RILPL1: variants seen among roughly 807,000 people sequenced by gnomAD.
The protein encoded by RILPL1 is RILP-like protein 1.
RILPL1 carries 33 observed loss-of-function variants against 50.3 expected under a neutral mutation model. The ratio of observed to expected loss-of-function variants is 0.66; its 90% CI spans 0.50 to 0.88. RILPL1 has a LOEUF of 0.88. Ranked by LOEUF, RILPL1 falls within the 40% of genes least tolerant of loss-of-function variation. The probability of loss-of-function intolerance (pLI) is 0.00; values close to 1 mark genes in which losing one functional copy is unlikely to be tolerated. For missense variants in RILPL1, 418 were observed against 542.5 expected (o/e 0.77, Z 2.28); for synonymous variants, 205 against 228.6 (o/e 0.90, Z 0.93).
intron 6 of RILPL1, chr12:123,475,372 T>TA: frequency 2.3e-6 from 1 of 432,324 alleles, no homozygotes; most frequent in South Asian, 2.6e-5. Context: ...ACCCGTCACT[T>TA]AAAGGACCTT....
chr12:123,510,314 G>A (rs1054026373), intron 2 of RILPL1, among the ~76,000 whole-genome samples: 3 of 152,190 alleles, frequency 2.0e-5, no homozygotes, highest in Non-Finnish European at 2.9e-5. Flanking sequence ...GGGACCCGGG[G>A]ACACGGCTAA....
At chr12:123,475,893 TA>T (rs1161486338) in intron 6 of RILPL1, 23 of 530,768 alleles carry the variant, frequency 4.3e-5, no homozygotes, top group South Asian at 6.8e-5. Context: ...TAAATTCACT[TA>T]AAATTTTTTT....
chr12:123,497,414 T>G (rs1010200205), intron 4 of RILPL1, among the ~76,000 whole-genome samples: 4 of 151,898 alleles, frequency 2.6e-5, no homozygotes, highest in African/African-American at 9.7e-5. Context: ...AGATGGGGTC[T>G]GACTCACTCT....
In RILPL1 at chr12:123,498,822, A is replaced by G. The variant is rs2139338736; in HGVS notation, c.580-57T>C. On this transcript the variant is annotated intron_variant, in intron 3 of 6. Transcript: ENST00000376874. This position sits in a 1 kb window ranked among gnomAD's most constrained non-coding sequence, Gnocchi z 4.3. ...TGCCACCTGCGGTAGCTCAGGTTGT[A>G]CACTGCACAACGGCAAACCATCCAT... 2 of 1,505,514 alleles carry G rather than the reference A, an allele frequency of 1.3e-6. No individual in the cohort carries two copies. The highest frequency in any genetic ancestry group is 1.8e-6 in the Non-Finnish European group (2 of 1,090,890). 93.3% of individuals were successfully genotyped at this position (1,505,514 alleles called of 1,614,324 possible). A position where few individuals can be genotyped will look rare whatever the true frequency, so the allele number is the denominator to read the frequency against.
At chr12:123,530,895 G>A (rs1885419888) in intron 1 of RILPL1, among the ~76,000 whole-genome samples, 1 of 152,170 alleles carries the variant, frequency 6.6e-6, no homozygotes, top group Non-Finnish European at 1.5e-5. Flanking sequence ...TGAGTGATGA[G>A]TGGAAGTGAG....
chr12:123,483,695 C>A (rs973904101), intron 6 of RILPL1, among the ~76,000 whole-genome samples: 1 of 152,170 alleles, frequency 6.6e-6, no homozygotes, highest in Non-Finnish European at 1.5e-5. Context: ...CAACCAAGGC[C>A]TGACTCTGCA....
chr12:123,533,047 C>T lies in RILPL1; in HGVS notation c.309+127G>A, dbSNP rs1885496488. On this transcript the variant is annotated intron_variant, in intron 1 of 6. Transcript: ENST00000376874. This position sits in a 1 kb window ranked among gnomAD's most constrained non-coding sequence, Gnocchi z 6.2. Reference sequence around the variant, plus strand: ...AGGCCAGGGCCTCCCTCCCTCCCCACGTCGGGTCTCCTCTGGTCCGGTCCC... The same window carrying T: ...AGGCCAGGGCCTCCCTCCCTCCCCATGTCGGGTCTCCTCTGGTCCGGTCCC... The T allele has an allele frequency of 1.9e-6, 2 of 1,025,772 alleles. No individual in the cohort carries two copies. The highest frequency in any genetic ancestry group is 3.4e-5 in the South Asian group (2 of 58,140). The allele number at this position is 1,025,772 out of a possible 1,614,324, so 63.5% of individuals were successfully genotyped here.
chr12:123,521,628 TACACACA>T (rs1885038720), intron 2 of RILPL1, among the ~76,000 whole-genome samples: 2 of 7,166 alleles, frequency 2.8e-4, no homozygotes, highest in South Asian at 0.034. Context: ...TGTATATATA[TACACACA>T]TATGTGTATA....
rs569185986 is a variant in RILPL1, at chr12:123,518,792, C to T, written c.460+4703G>A. On this transcript the variant is annotated intron_variant, in intron 2 of 6. Transcript: ENST00000376874. ...ACTTTCATCTGGCCGGGCGCGGTGG[C>T]TCATGCCTGTAATCCCAGCACTTTG... 2.6e-5 allele frequency among the ~76,000 whole-genome samples: 4 copies of T among 152,132 alleles called. No individual in the cohort carries two copies. The South Asian group carries it at 8.3e-4, about 32-fold the overall frequency.
rs751953015 is a variant in RILPL1, at chr12:123,498,696, C to A, written c.649G>T (p.Ala217Ser). 6.2e-7 allele frequency: 1 copy of A among 1,613,714 alleles called. No individual in the cohort carries two copies. Among genetic ancestry groups the A allele is most frequent in the South Asian group, 1.1e-5 (1 of 91,072 alleles). ...DLRHRVTVVE[A>S]QGKALIEQKV... ...TGTTCGATCAGGGCTTTCCCCTGGG[C>A]CTCCACCACCGTGACCCGGTGCCGA... is the stretch of plus-strand genomic sequence containing the variant. Residue 217 changes from alanine (A) to serine (S), a missense_variant, in exon 4 of 7, where the codon GCC becomes TCC. Transcript: ENST00000376874. The surrounding 1 kb of genome is among the most constrained non-coding windows in gnomAD (Gnocchi z 4.3).
At chr12:123,511,599 T>G (rs1228241366) in intron 2 of RILPL1, among the ~76,000 whole-genome samples, 1 of 144,916 alleles carries the variant, frequency 6.9e-6, no homozygotes, top group African/African-American at 2.6e-5. Flanking sequence ...GAGGTCTGTG[T>G]GTGTGGTGTG....
intron 2 of RILPL1, 91 bp downstream of exon 2, chr12:123,523,404 C>T: frequency 6.8e-7 from 1 of 1,471,664 alleles, no homozygotes; most frequent in Non-Finnish European, 9.4e-7. Context: ...AGCACCGCAT[C>T]AGCGTCCAGG....
At chr12:123,521,630 C>CACACATATGTGTATATATAT (rs1885039789) in intron 2 of RILPL1, among the ~76,000 whole-genome samples, 2 of 7,360 alleles carry the variant, frequency 2.7e-4, no homozygotes, top group Non-Finnish European at 4.8e-4. Context: ...TATATATATA[C>CACACATATGTGTATATATAT]ACACATATGT....
At chr12:123,512,751 GT>G in intron 2 of RILPL1, among the ~76,000 whole-genome samples, 1 of 146,642 alleles carries the variant, frequency 6.8e-6, no homozygotes, top group South Asian at 2.2e-4. Context: ...GTTTGTGTGT[GT>G]GTGTGGTATG....
intron 1 of RILPL1, among the ~76,000 whole-genome samples, chr12:123,527,381 A>G (rs1175472371): frequency 6.6e-6 from 1 of 150,900 alleles, no homozygotes; most frequent in African/African-American, 2.4e-5. Flanking sequence ...GCTTACGCCT[A>G]TAATCACAGC....
Position 123,498,496 on chromosome 12 carries a change from C to A in RILPL1, c.801+48G>T. ...CAACCCTGCCTGCCTTAAGCCAACC[C>A]CCAGACTGACCCTCTGCTACCACCT... On this transcript the variant is annotated intron_variant, in intron 4 of 6. Coordinates refer to ENST00000376874, the MANE Select transcript of RILPL1 (RefSeq NM_178314.5). This position sits in a 1 kb window ranked among gnomAD's most constrained non-coding sequence, Gnocchi z 4.3. The A allele has an allele frequency of 6.4e-7, 1 of 1,569,876 alleles. No homozygotes were observed. The highest frequency in any genetic ancestry group is 8.7e-7 in the Non-Finnish European group (1 of 1,144,344).
chr12:123,523,322 G>C (rs1003599109), intron 2 of RILPL1, among the ~76,000 whole-genome samples, 173 bp downstream of exon 2: 13 of 152,206 alleles, frequency 8.5e-5, no homozygotes, highest in African/African-American at 3.1e-4. Flanking sequence ...CTGAGGCTAC[G>C]TGATGTTTCT....
intron 6 of RILPL1, chr12:123,475,437 G>T (rs1377021438): frequency 5.4e-6 from 3 of 559,272 alleles, no homozygotes; most frequent in East Asian, 5.9e-5. Context: ...GAGACAAAAA[G>T]AATTATCGGT....
rs1885528628 is a variant in RILPL1, at chr12:123,533,556, C to T, written c.-74G>A. 18 of 1,308,722 alleles carry T rather than the reference C, an allele frequency of 1.4e-5. No homozygotes were observed. Among genetic ancestry groups the T allele is most frequent in the Non-Finnish European group, 1.5e-5 (15 of 1,007,418 alleles). The allele number at this position is 1,308,722 out of a possible 1,614,324, so 81.1% of individuals were successfully genotyped here. A position where few individuals can be genotyped will look rare whatever the true frequency, so the allele number is the denominator to read the frequency against. On this transcript the variant is annotated 5_prime_UTR_variant, in exon 1 of 7. Coordinates refer to ENST00000376874, the MANE Select transcript of RILPL1 (RefSeq NM_178314.5). This position sits in a 1 kb window ranked among gnomAD's most constrained non-coding sequence, Gnocchi z 6.2. ...AAACTTGCCGCTGTCGAGGGCCGGG[C>T]CGGCCGGGCCCAGCCTGGGCCGCGG... is the stretch of plus-strand genomic sequence containing the variant.
Sources: gnomAD v4.1 joint callset for allele counts (sites outside exome capture counted in the v4.1 genomes callset) on GRCh38, gnomAD v4.1.1 for gene constraint, Gnocchi (gnomAD v3.1) non-coding constraint, MANE v1.5 for transcripts, NCBI Gene and HGNC (gene_info 2026-07-23, HGNC 2026-07-21) for gene names.